Variants in ANKRD42 observed in about 807,000 individuals in gnomAD.
ANKRD42 encodes ankyrin repeat domain-containing protein 42.
Under a neutral mutation model 51.5 loss-of-function variants are expected in ANKRD42, and 43 were observed. That is an observed-to-expected ratio of 0.83 (90% CI 0.65 to 1.08). The LOEUF (loss-of-function observed/expected upper bound fraction) is 1.08, where lower values mean the gene tolerates loss of function less well. Among genes scored for constraint, ANKRD42 ranks in the 50% least tolerant of loss-of-function variants. ANKRD42 has a pLI of 0.00. For synonymous variants in ANKRD42, 203 were observed against 213.0 expected (o/e 0.95, Z 0.41); for missense variants, 608 against 629.3 (o/e 0.97, Z 0.36).
Position 83,198,587 on chromosome 11 carries a change from A to G in ANKRD42, c.167A>G (p.Asp56Gly), listed in dbSNP as rs1861751397. 1.2e-6 allele frequency: 2 copies of G among 1,612,814 alleles called. No homozygotes were observed. Among genetic ancestry groups the G allele is most frequent in the Non-Finnish European group, 1.7e-6 (2 of 1,179,222 alleles). The part of the protein sequence containing the change: ...VVRGASINEL[D>G]VLHKFTPLHW... Reference sequence around the variant, plus strand: ...CGTGGAGCCAGCATTAATGAACTTGATGTTCTCCATAAGTTTACCCCTTTA... The same window carrying G: ...CGTGGAGCCAGCATTAATGAACTTGGTGTTCTCCATAAGTTTACCCCTTTA... Residue 56 changes from aspartate (D) to glycine (G), a missense_variant, in exon 2 of 11, where the codon GAT becomes GGT. By Grantham distance (94) the Asp-to-Gly change is moderately conservative. Transcript: ENST00000533342.
chr11:83,263,031 C>T (rs1007064946), downstream of ANKRD42, among the ~76,000 whole-genome samples: 1 of 152,066 alleles, frequency 6.6e-6, no homozygotes, highest in Admixed American at 6.6e-5. Flanking sequence ...CCAGTTACAT[C>T]GCTAGCAAAC....
intron 10 of ANKRD42, among the ~76,000 whole-genome samples, chr11:83,246,902 C>G (rs963509771): frequency 6.6e-6 from 1 of 152,168 alleles, no homozygotes; most frequent in Non-Finnish European, 1.5e-5. Context: ...AAACAGATGG[C>G]AAAACATTAG....
At chr11:83,240,615 A>T in intron 8 of ANKRD42, 144 bp from the exon 9 acceptor site, 1 of 755,540 alleles carries the variant, frequency 1.3e-6, no homozygotes, top group Non-Finnish European at 2.1e-6. Flanking sequence ...TCAAATTGTC[A>T]CTGACCTTCA....
intron 3 of ANKRD42, chr11:83,209,374 C>CT (rs1771897817): frequency 2.0e-6 from 3 of 1,535,954 alleles, no homozygotes; most frequent in African/African-American, 2.7e-5. Flanking sequence ...CAGCGCGGGG[C>CT]TGCAGGCTAG....
intron 1 of ANKRD42, among the ~76,000 whole-genome samples, chr11:83,197,119 G>T (rs621125): frequency 0.73 from 111,805 of 152,122 alleles, 42,448 homozygotes; most frequent in African/African-American, 0.94. Context: ...ACACCTTACA[G>T]ATGCTCTCGT....
intron 7 of ANKRD42, among the ~76,000 whole-genome samples, chr11:83,231,769 A>G (rs1470869696): frequency 6.6e-6 from 1 of 152,092 alleles, no homozygotes; most frequent in East Asian, 1.9e-4. Context: ...TCTTGTGCAT[A>G]TGGATATCCA....
rs760176304 is a variant in ANKRD42 at position 83,198,617 on chromosome 11, G to A, written c.197G>A (p.Trp66Ter). Residue 66 changes from tryptophan to a stop codon, truncating the protein, a stop_gained, in exon 2 of 11, where the codon TGG (tryptophan) becomes TAG (stop). Transcript: ENST00000533342. LOFTEE classifies it high-confidence loss of function. ...DVLHKFTPLH[W>*]AAHSGSLECL... ...CTCCATAAGTTTACCCCTTTACATT[G>A]GGCAGCACATTCTGGAAGTTTGGAG... The A allele has an allele frequency of 6.2e-7, 1 of 1,604,826 alleles. No homozygotes were observed. Among genetic ancestry groups the A allele is most frequent in the Admixed American group, 1.7e-5 (1 of 58,956 alleles).
intron 9 of ANKRD42, among the ~76,000 whole-genome samples, chr11:83,242,796 C>T (rs1194386883): frequency 6.6e-6 from 1 of 151,972 alleles, no homozygotes; most frequent in Non-Finnish European, 1.5e-5. Flanking sequence ...AACTCCTGAC[C>T]TTGTGATCCA....
At chr11:83,255,838 C>T in intron 11 of ANKRD42, 1 of 1,522,990 alleles carries the variant, frequency 6.6e-7, no homozygotes, top group Non-Finnish European at 8.8e-7. Context: ...TTTTCCTTTG[C>T]TTATAGGAAG....
intron 5 of ANKRD42, among the ~76,000 whole-genome samples, chr11:83,222,434 A>G (rs1039114454): frequency 1.3e-5 from 2 of 152,290 alleles, no homozygotes; most frequent in East Asian, 3.9e-4. Flanking sequence ...TGAGCAAAAT[A>G]TATATTATAT....
chr11:83,219,299 T>G (rs1212087775), intron 5 of ANKRD42, among the ~76,000 whole-genome samples: 2 of 152,184 alleles, frequency 1.3e-5, no homozygotes, highest in Non-Finnish European at 2.9e-5. Flanking sequence ...GACCACTAAG[T>G]GGGGCACAAG....
chr11:83,213,273 T>G, intron 5 of ANKRD42: 1 of 1,596,246 alleles, frequency 6.3e-7, no homozygotes, highest in Non-Finnish European at 8.5e-7. Context: ...GTGCTGCTGA[T>G]GTGCAACAGA....
At chr11:83,230,082 C>T (rs1590995782) in intron 7 of ANKRD42, among the ~76,000 whole-genome samples, 1 of 152,190 alleles carries the variant, frequency 6.6e-6, no homozygotes, top group South Asian at 2.1e-4. Context: ...CAGATAGTCT[C>T]ACTCTGTTGC....
At chr11:83,256,876 G>C (rs937786347), downstream of ANKRD42, among the ~76,000 whole-genome samples, 2 of 152,072 alleles carry the variant, frequency 1.3e-5, no homozygotes, top group African/African-American at 4.8e-5. Context: ...GTTAATCCCA[G>C]CTCTGCATTG....
chr11:83,235,023 C>A (rs1380384892), intron 7 of ANKRD42, among the ~76,000 whole-genome samples: 1 of 152,180 alleles, frequency 6.6e-6, no homozygotes, highest in African/African-American at 2.4e-5. Flanking sequence ...CAAATTAACA[C>A]CCAAAGTTCC....
downstream of ANKRD42, among the ~76,000 whole-genome samples, chr11:83,258,391 T>C (rs1466764053): frequency 6.6e-6 from 1 of 152,210 alleles, no homozygotes; most frequent in African/African-American, 2.4e-5. Flanking sequence ...TTTGTTCCTA[T>C]GACTTAGTAG....
chr11:83,209,871 C>A, intron 3 of ANKRD42: 1 of 471,498 alleles, frequency 2.1e-6, no homozygotes, highest in Non-Finnish European at 3.8e-6. Context: ...AATATGACCC[C>A]AGAAGCCACG....
In ANKRD42 at chr11:83,248,133, C is replaced by T; in HGVS notation, c.1513C>T (p.Gln505Ter). The T allele has an allele frequency of 6.5e-7, 1 of 1,542,588 alleles. No individual in the cohort carries two copies. Among genetic ancestry groups the T allele is most frequent in the African/African-American group, 1.4e-5 (1 of 73,084 alleles). The change falls in exon 11 of 11, where the codon CAA becomes TAA. Residue 505 changes from glutamine to a stop codon, truncating the protein, a stop_gained. Transcript: ENST00000533342. LOFTEE classifies it low-confidence loss of function (END_TRUNC). ...NTFIFLKKYI[Q>*]EWPRVQALGW... ...ATTTATTTTTCTCAAGAAGTATATA[C>T]AAGAGTGGCCAAGAGTACAAGCTTT...
Position 83,197,069 on chromosome 11 carries a change from C to T in ANKRD42, c.59-1410C>T, listed in dbSNP as rs118068530. Among the ~76,000 whole-genome samples, 92 of 151,966 alleles carry T rather than the reference C, an allele frequency of 6.1e-4. No individual in the cohort carries two copies. The East Asian group carries it at 0.013, about 21-fold the overall frequency. ...CGGCCTAGGGATTAACATCACTGAA[C>T]GTTTATTAAAGGTGTGTGTGTGTGT... On this transcript the variant is annotated intron_variant, in intron 1 of 10. Transcript: ENST00000533342.
Sources: allele counts gnomAD v4.1 joint callset (sites outside exome capture counted in the v4.1 genomes callset), GRCh38; gene constraint gnomAD v4.1.1; transcripts MANE v1.5; gene names NCBI Gene and HGNC (gene_info 2026-07-23, HGNC 2026-07-21).